ADGRL3: variants seen among roughly 807,000 people sequenced by gnomAD.
ADGRL3 encodes the protein calcium-independent alpha-latrotoxin receptor 3.
A neutral mutation model predicts 153.5 loss-of-function variants in ADGRL3; 62 were observed. That is an observed-to-expected ratio of 0.40 (90% CI 0.33 to 0.50). ADGRL3 has a LOEUF of 0.50. Ranked by LOEUF, ADGRL3 falls within the 20% of genes least tolerant of loss-of-function variation. ADGRL3 has a pLI of 0.47. For missense variants in ADGRL3, 1,641 were observed against 1,859.4 expected, an observed-to-expected ratio of 0.88 and a Z score of 2.16; for synonymous variants, 710 against 672.5, an observed-to-expected ratio of 1.06 and a Z score of -0.86.
intron 2 of ADGRL3, among the ~76,000 whole-genome samples, chr4:61,399,888 C>G (rs1207352751): frequency 4.6e-5 from 7 of 151,668 alleles, no homozygotes. Flanking sequence ...GTTGAAATGA[C>G]AGAGTATAAT....
At chr4:61,596,869 G>C (rs899787107) in intron 5 of ADGRL3, among the ~76,000 whole-genome samples, 1 of 151,926 alleles carries the variant, frequency 6.6e-6, no homozygotes. Flanking sequence ...AAAAACTGTT[G>C]GGAAATAACT....
chr4:62,074,673 A>G lies in ADGRL3; in HGVS notation c.*3765A>G, dbSNP rs1412754151. 6.6e-6 allele frequency: 1 copy of G among 152,182 alleles called. No homozygotes were observed. Among genetic ancestry groups the G allele is most frequent in the African/African-American group, 2.4e-5 (1 of 41,460 alleles). The allele number at this position is 152,182 out of a possible 1,614,324, so 9.4% of individuals were successfully genotyped here. A position where few individuals can be genotyped will look rare whatever the true frequency, so the allele number is the denominator to read the frequency against. ...ATCAGGAAAATATCTAACAAAAAGC[A>G]CGTAAGGGAAATATCCTTAACTTCC... On this transcript the variant is annotated 3_prime_UTR_variant, in exon 27 of 27. Coordinates refer to ENST00000683033, the MANE Select transcript of ADGRL3 (RefSeq NM_001387552.1).
intron 4 of ADGRL3, among the ~76,000 whole-genome samples, chr4:61,585,482 T>C (rs2098942595): frequency 6.6e-6 from 1 of 152,032 alleles, no homozygotes; most frequent in African/African-American, 2.4e-5. Flanking sequence ...CTCCCTTCTT[T>C]TCACATTTCA....
At chr4:61,307,582 CTG>C (rs1361040097) in intron 1 of ADGRL3, among the ~76,000 whole-genome samples, 3 of 152,028 alleles carry the variant, frequency 2.0e-5, no homozygotes, top group Non-Finnish European at 4.4e-5. Context: ...GTTATTCACT[CTG>C]TGACAGATAC....
chr4:61,897,221 A>G (rs1465087414), intron 11 of ADGRL3, among the ~76,000 whole-genome samples: 1 of 152,124 alleles, frequency 6.6e-6, no homozygotes, highest in Admixed American at 6.5e-5. Flanking sequence ...ATTTTGTTTC[A>G]TCCTGTAGAG....
At chr4:61,460,932 C>CGT (rs2097805084) in intron 2 of ADGRL3, among the ~76,000 whole-genome samples, 2 of 151,790 alleles carry the variant, frequency 1.3e-5, no homozygotes, top group Admixed American at 6.6e-5. Flanking sequence ...TAGCCAGGCG[C>CGT]GGTGGCAGGC....
intron 3 of ADGRL3, among the ~76,000 whole-genome samples, chr4:61,504,865 G>T (rs963868154): frequency 4.6e-5 from 7 of 152,056 alleles, no homozygotes; most frequent in Non-Finnish European, 8.8e-5. Flanking sequence ...TTCATTGATG[G>T]ACACTTAGGT....
intron 1 of ADGRL3, among the ~76,000 whole-genome samples, chr4:61,369,876 G>T (rs2096486429): frequency 6.6e-6 from 1 of 151,996 alleles, no homozygotes; most frequent in African/African-American, 2.4e-5. Context: ...TTTTTGGTTG[G>T]TAAGCTATTG....
intron 9 of ADGRL3, among the ~76,000 whole-genome samples, chr4:61,877,497 T>C (rs1259257014): frequency 6.6e-6 from 1 of 151,956 alleles, no homozygotes; most frequent in Admixed American, 6.6e-5. Context: ...AATCTGTACA[T>C]GAGATAAAAT....
chr4:61,691,995 A>G (rs561861298), intron 6 of ADGRL3, among the ~76,000 whole-genome samples: 8 of 152,074 alleles, frequency 5.3e-5, no homozygotes, highest in Middle Eastern at 3.4e-3. Context: ...TCAGGAAACA[A>G]TTGATTGAGA....
chr4:61,438,942 C>T lies in ADGRL3; in HGVS notation c.-174+55753C>T, dbSNP rs567712273. The stretch of plus-strand genomic sequence containing the variant: ...CAGGATGGTCTCGATCGCCTGACCT[C>T]ATGATCCGCCCACCTCTGCCTCCCA... On this transcript the variant is annotated intron_variant, in intron 2 of 26. Coordinates refer to ENST00000683033, the MANE Select transcript of ADGRL3 (RefSeq NM_001387552.1). Among the ~76,000 whole-genome samples the T allele has an allele frequency of 2.4e-4, 36 of 152,106 alleles. No homozygotes were observed. In the South Asian group the frequency reaches 7.3e-3, roughly 31 times the overall value.
chr4:61,766,627 T>C (rs1247246934), intron 8 of ADGRL3, among the ~76,000 whole-genome samples: 2 of 151,884 alleles, frequency 1.3e-5, no homozygotes, highest in Non-Finnish European at 2.9e-5. Context: ...AGGAAGAAAT[T>C]TGGGCTTGAT....
chr4:61,282,701 A>G (rs1314418785), intron 1 of ADGRL3, among the ~76,000 whole-genome samples: 3 of 151,902 alleles, frequency 2.0e-5, no homozygotes, highest in Non-Finnish European at 4.4e-5. Flanking sequence ...ATCTTGTTTT[A>G]TATTGCCTAA....
At chr4:61,676,523 C>T (rs1179972058) in intron 5 of ADGRL3, among the ~76,000 whole-genome samples, 1 of 151,776 alleles carries the variant, frequency 6.6e-6, no homozygotes, top group African/African-American at 2.4e-5. Context: ...CTTGTGTTCA[C>T]ATTGGCAATA....
rs958742334 is a variant in ADGRL3, at chr4:62,064,903, T to C, written c.3815-3263T>C. 5.3e-5 allele frequency among the ~76,000 whole-genome samples: 8 copies of C among 152,162 alleles called. No individual in the cohort carries two copies. The South Asian group carries it at 1.2e-3, about 24-fold the overall frequency. ...AAGTGACTACATGAATATAGGCAAG[T>C]CGTTTGTCAATACAATGAAATAATT... On this transcript the variant is annotated intron_variant, in intron 25 of 26. Coordinates refer to ENST00000683033, the MANE Select transcript of ADGRL3 (RefSeq NM_001387552.1).
intron 2 of ADGRL3, among the ~76,000 whole-genome samples, chr4:61,490,350 T>C (rs565024494): frequency 2.0e-5 from 3 of 152,142 alleles, no homozygotes; most frequent in Admixed American, 1.3e-4. Flanking sequence ...TTTCCTTCTC[T>C]TCCTCATTGT....
Position 62,076,671 on chromosome 4 carries a change from A to G in ADGRL3, c.*5763A>G, listed in dbSNP as rs1308306019. ...TCATTCTGCTAATTCCACGGGAAACATTAAATACTTTAAACACTCTTGAGA... is the reference window on the plus strand; with the variant it reads ...TCATTCTGCTAATTCCACGGGAAACGTTAAATACTTTAAACACTCTTGAGA... On this transcript the variant is annotated 3_prime_UTR_variant, in exon 27 of 27. Coordinates refer to ENST00000683033, the MANE Select transcript of ADGRL3 (RefSeq NM_001387552.1). 1 of 152,048 alleles carries G rather than the reference A, an allele frequency of 6.6e-6. No homozygotes were observed. Among genetic ancestry groups the G allele is most frequent in the Non-Finnish European group, 1.5e-5 (1 of 67,906 alleles). The allele number at this position is 152,048 out of a possible 1,614,324, so 9.4% of individuals were successfully genotyped here.
intron 2 of ADGRL3, among the ~76,000 whole-genome samples, chr4:61,489,778 A>T (rs547711489): frequency 6.6e-6 from 1 of 152,148 alleles, no homozygotes; most frequent in African/African-American, 2.4e-5. Flanking sequence ...AAAAAATTGA[A>T]TTTGCAACAA....
chr4:61,214,954 T>C (rs543818931), intron 1 of ADGRL3, among the ~76,000 whole-genome samples: 9 of 151,578 alleles, frequency 5.9e-5, no homozygotes, highest in African/African-American at 1.9e-4. Context: ...AAAAAATCAA[T>C]AAAAATAGAT....
Sources: allele counts gnomAD v4.1 joint callset (sites outside exome capture counted in the v4.1 genomes callset), GRCh38; gene constraint gnomAD v4.1.1; transcripts MANE v1.5; gene names NCBI Gene and HGNC (gene_info 2026-07-23, HGNC 2026-07-21).